The following ZNF606 variants were observed in gnomAD, a reference collection of about 807,000 sequenced individuals.
ZNF606 encodes the protein zinc finger protein 328.
A neutral mutation model predicts 74.9 loss-of-function variants in ZNF606; 37 were observed. That is an observed-to-expected ratio of 0.49 (90% confidence interval 0.38 to 0.65). The LOEUF (loss-of-function observed/expected upper bound fraction) is 0.65. Ranked by LOEUF, ZNF606 falls within the 30% of genes least tolerant of loss-of-function variation. The pLI, the probability that ZNF606 is intolerant of heterozygous loss-of-function variation, is 0.00. For missense variants in ZNF606, 852 were observed against 952.9 expected (o/e 0.89, Z 1.39); for synonymous variants, 328 against 312.4 (o/e 1.05, Z -0.53).
At chr19:58,001,082 C>T (rs982684198) in intron 2 of ZNF606, 2 of 613,442 alleles carry the variant, frequency 3.3e-6, no homozygotes, top group Non-Finnish European at 5.6e-6. Context: ...ACTAATGACA[C>T]CTCTCAGGAG....
In ZNF606 at chr19:57,979,923, T is replaced by C. The variant is rs777150446; in HGVS notation, c.757A>G (p.Ile253Val). ...HAQSWRCDSA[I>V]MYADKVTCEN... ...CAGGTAACCTTATCTGCATACATTA[T>C]GGCTGAGTCACATCTCCAACTTTGA... The change falls in exon 7 of 7, where the codon ATA becomes GTA. Residue 253 changes from isoleucine to valine, a missense_variant. Physicochemically the swap from Ile to Val is conservative, Grantham distance 29. Transcript: ENST00000551380. 11 of 1,614,036 alleles carry C rather than the reference T, an allele frequency of 6.8e-6. No individual in the cohort carries two copies. The highest frequency in any genetic ancestry group is 1.6e-4 in the Middle Eastern group (1 of 6,062).
chr19:58,001,958 T>TA (rs140151849), intron 1 of ZNF606: 24,167 of 350,840 alleles, frequency 0.069, 1,085 homozygotes, highest in Middle Eastern at 0.091. Flanking sequence ...GTGGAGGACT[T>TA]AGAGATGGGC....
chr19:58,000,773 C>G (rs977720787), intron 2 of ZNF606, 34 bp from the exon 3 acceptor site: 4 of 1,519,180 alleles, frequency 2.6e-6, no homozygotes, highest in Admixed American at 2.2e-5. Context: ...ACTGTGACAC[C>G]AAACCTAGTG....
intron 2 of ZNF606, among the ~76,000 whole-genome samples, chr19:58,001,003 G>C (rs1399060940): frequency 9.2e-5 from 14 of 152,106 alleles, no homozygotes. Context: ...GAGCAGTAGA[G>C]ACAATATTTT....
intron 6 of ZNF606, among the ~76,000 whole-genome samples, chr19:57,981,057 G>A (rs1329376872): frequency 6.6e-6 from 1 of 152,142 alleles, no homozygotes; most frequent in East Asian, 1.9e-4. Context: ...GTCATTCATA[G>A]TGATCACCTG....
At chr19:57,988,804 G>A in intron 4 of ZNF606, 83 bp from the exon 5 acceptor site, 1 of 1,597,904 alleles carries the variant, frequency 6.3e-7, no homozygotes, top group Non-Finnish European at 8.5e-7. Flanking sequence ...GACAGCCCTG[G>A]GGAGAGAAGA....
rs145219452 is a variant in ZNF606 at position 57,988,377 on chromosome 19, T to C, written c.305-75A>G. On this transcript the variant is annotated intron_variant, in intron 5 of 6. Coordinates refer to ENST00000551380, the MANE Select transcript of ZNF606 (RefSeq NM_001348022.3). ...GCCAAAGAAAGCTTCTCTTGCCTAT[T>C]CCTCCCTGTGACTTCTCAACCTGGG... The C allele has an allele frequency of 2.8e-3, 4,115 of 1,486,382 alleles. 10 individuals carry two copies. The highest frequency in any genetic ancestry group is 3.8e-3 in the South Asian group (314 of 83,350). 92.1% of individuals were successfully genotyped at this position (1,486,382 alleles called of 1,614,324 possible). A position where few individuals can be genotyped will look rare whatever the true frequency, so the allele number is the denominator to read the frequency against.
intron 4 of ZNF606, chr19:57,998,271 C>G (rs770331212): frequency 3.3e-5 from 5 of 151,826 alleles, no homozygotes; most frequent in Non-Finnish European, 7.4e-5. Flanking sequence ...ACAGAGACAA[C>G]TCTAAAAAAC....
At chr19:57,998,792 A>G (rs2073374732) in intron 4 of ZNF606, 1 of 152,250 alleles carries the variant, frequency 6.6e-6, no homozygotes, top group Admixed American at 6.6e-5. Context: ...GGAGGACGGC[A>G]GAGAGATGAC....
In ZNF606 at chr19:57,977,153, A is replaced by C. The variant is rs1193689638; in HGVS notation, c.*1148T>G. ...ACTGAAGAAAATGGGAAAAAAAATC[A>C]CTGGAGAGGCAGCATAAAATGGTGG... On this transcript the variant is annotated 3_prime_UTR_variant, in exon 7 of 7. Transcript: ENST00000551380. 6.6e-6 allele frequency: 1 copy of C among 152,160 alleles called. No homozygotes were observed. The highest frequency in any genetic ancestry group is 2.4e-5 in the African/African-American group (1 of 41,436). 9.4% of individuals were successfully genotyped at this position (152,160 alleles called of 1,614,324 possible).
Position 58,002,773 on chromosome 19 carries a change from G to T in ZNF606, c.-429C>A, listed in dbSNP as rs1258202376. On this transcript the variant is annotated 5_prime_UTR_variant, in exon 1 of 7. Transcript: ENST00000551380. The stretch of plus-strand genomic sequence containing the variant: ...CGGCGGCCCCACAGCCTGAGCAAAG[G>T]CCTCACCTCAGCCGCGGACAATGGC... 1 of 454,268 alleles carries T rather than the reference G, an allele frequency of 2.2e-6. No individual in the cohort carries two copies. Among genetic ancestry groups the T allele is most frequent in the Admixed American group, 2.4e-5 (1 of 42,436 alleles). The allele number at this position is 454,268 out of a possible 1,614,324, so 28.1% of individuals were successfully genotyped here.
In ZNF606 at chr19:57,999,465, G is replaced by A. The variant is rs751722350; in HGVS notation, c.177+343C>T. 49 of 382,924 alleles carry A rather than the reference G, an allele frequency of 1.3e-4. 1 individual carries two copies. The highest frequency in any genetic ancestry group is 1.9e-4 in the Non-Finnish European group (41 of 212,754). The allele number at this position is 382,924 out of a possible 1,614,324, so 23.7% of individuals were successfully genotyped here. On this transcript the variant is annotated intron_variant, in intron 4 of 6. Coordinates refer to ENST00000551380, the MANE Select transcript of ZNF606 (RefSeq NM_001348022.3). ...CCTGTCCTTGTTCCCTTCACAGCAG[G>A]CACAGCAGGCACTGCACAGCATCAG...
chr19:57,978,551 C>T lies in ZNF606; in HGVS notation c.2129G>A (p.Cys710Tyr), dbSNP rs1284720973. 1.9e-6 allele frequency: 3 copies of T among 1,614,140 alleles called. No homozygotes were observed. The South Asian group carries it at 3.3e-5, about 18-fold the overall frequency. ...ATTAAATGCTTTCCCACATTCATTACACCTGTATGGTTTCTCTCCAGTATG... is the reference window on the plus strand; with the variant it reads ...ATTAAATGCTTTCCCACATTCATTATACCTGTATGGTTTCTCTCCAGTATG... The part of the protein sequence containing the change: ...RTHTGEKPYR[C>Y]NECGKAFNES... Residue 710 changes from cysteine (C) to tyrosine (Y), a missense_variant, in exon 7 of 7, where the codon TGT becomes TAT. By Grantham distance (194) the Cys-to-Tyr change is radical. This residue lies in a region of ZNF606 where 243 missense variants were observed against 359.2 expected (regional missense o/e 0.68). Transcript: ENST00000551380. This position sits in a 1 kb window ranked among gnomAD's most constrained non-coding sequence, Gnocchi z 4.4.
At chr19:57,988,482 T>C (rs2073198804) in intron 5 of ZNF606, 113 bp downstream of exon 5, 1 of 1,492,112 alleles carries the variant, frequency 6.7e-7, no homozygotes, top group African/African-American at 1.4e-5. Context: ...CCCAAGATCA[T>C]CTCAGCTCTT....
chr19:57,979,265 A>G lies in ZNF606; in HGVS notation c.1415T>C (p.Ile472Thr), dbSNP rs765929444. 3.7e-6 allele frequency: 6 copies of G among 1,613,960 alleles called. No homozygotes were observed. The highest frequency in any genetic ancestry group is 1.3e-5 in the African/African-American group (1 of 74,922). Residue 472 changes from isoleucine (I) to threonine (T), a missense_variant, in exon 7 of 7, where the codon ATT becomes ACT. By Grantham distance (89) the Ile-to-Thr change is moderately conservative. Coordinates refer to ENST00000551380, the MANE Select transcript of ZNF606 (RefSeq NM_001348022.3). ...TCCTGTATGAATTCTCTTATGTACAATAAGATGAGAATTCCAGCTGAAGGC... is the reference window on the plus strand; with the variant it reads ...TCCTGTATGAATTCTCTTATGTACAGTAAGATGAGAATTCCAGCTGAAGGC... ...GKAFSWNSHL[I>T]VHKRIHTGEK...
chr19:57,997,285 T>G (rs2073353886), intron 4 of ZNF606: 1 of 152,224 alleles, frequency 6.6e-6, no homozygotes, highest in South Asian at 2.1e-4. Flanking sequence ...CAATTATTAT[T>G]TTCCCCTATT....
At chr19:57,997,372 A>T (rs2073354901) in intron 4 of ZNF606, 1 of 152,258 alleles carries the variant, frequency 6.6e-6, no homozygotes, top group African/African-American at 2.4e-5. Flanking sequence ...GACTATTCAG[A>T]TAATGAGGGA....
intron 6 of ZNF606, 40 bp downstream of exon 6, chr19:57,988,167 T>TG (rs764075815): frequency 5.8e-6 from 9 of 1,553,832 alleles, no homozygotes; most frequent in Non-Finnish European, 7.9e-6. Flanking sequence ...AAAGAGGGCT[T>TG]GGGGGGAAGT....
chr19:57,999,562 C>T, intron 4 of ZNF606: 2 of 512,078 alleles, frequency 3.9e-6, no homozygotes, highest in Non-Finnish European at 6.9e-6. Context: ...AAAGGGCTGC[C>T]CTTCATGCCC....
Sources: gnomAD v4.1 joint callset for allele counts (sites outside exome capture counted in the v4.1 genomes callset) on GRCh38, gnomAD v4.1.1 for gene constraint, gnomAD v4.1.1 regional missense constraint, Gnocchi (gnomAD v3.1) non-coding constraint, MANE v1.5 for transcripts, NCBI Gene and HGNC (gene_info 2026-07-23, HGNC 2026-07-21) for gene names.